Variants in PHLDB2 observed in about 807,000 individuals in gnomAD.
The protein encoded by PHLDB2 is pleckstrin homology-like domain family B member 2.
Under a neutral mutation model 123.6 loss-of-function variants are expected in PHLDB2, and 71 were observed. The observed-to-expected ratio is 0.57, with a 90% CI of 0.47 to 0.70. PHLDB2 has a LOEUF of 0.70. Ranked by LOEUF, PHLDB2 falls within the 30% of genes least tolerant of loss-of-function variation. The pLI, the probability that PHLDB2 is intolerant of heterozygous loss-of-function variation, is 0.00. For synonymous variants in PHLDB2, 547 were observed against 541.6 expected, an observed-to-expected ratio of 1.01 and a Z score of -0.14; for missense variants, 1,446 against 1,519.5, an observed-to-expected ratio of 0.95 and a Z score of 0.80.
chr3:111,901,003 T>A (rs1179604725), intron 2 of PHLDB2, among the ~76,000 whole-genome samples: 1 of 152,048 alleles, frequency 6.6e-6, no homozygotes, highest in Non-Finnish European at 1.5e-5. Context: ...ATCACAGGCG[T>A]GAGCCACTGT....
intron 1 of PHLDB2, among the ~76,000 whole-genome samples, chr3:111,766,374 C>G (rs968977789): frequency 4.0e-5 from 6 of 148,572 alleles, no homozygotes; most frequent in Non-Finnish European, 8.9e-5. Context: ...ACCCAGAAGG[C>G]AGAGGTTGCA....
chr3:111,792,454 C>T (rs917864296), intron 1 of PHLDB2, among the ~76,000 whole-genome samples: 61 of 152,186 alleles, frequency 4.0e-4, no homozygotes, highest in African/African-American at 1.4e-3. Context: ...GTCTTTAATC[C>T]CAGCACTTTG....
At chr3:111,812,039 G>A (rs536664887) in intron 1 of PHLDB2, among the ~76,000 whole-genome samples, 37 of 152,150 alleles carry the variant, frequency 2.4e-4, no homozygotes, top group Admixed American at 1.2e-3. Context: ...TATCAACCCC[G>A]TCTCTGTGAA....
rs115208331 is a variant in PHLDB2, at chr3:111,954,050, G to A, written c.2872+21G>A. 1.5e-3 allele frequency: 2,377 copies of A among 1,596,948 alleles called. 31 individuals carry two copies. The African/African-American group carries it at 0.026, about 17-fold the overall frequency. On this transcript the variant is annotated intron_variant, in intron 12 of 17. Coordinates refer to ENST00000431670, the MANE Select transcript of PHLDB2 (RefSeq NM_001134438.2). ...CAGAGGTACGTACCTTTTAAATCAA[G>A]TGTCATGGCCTTTTGTTAAGCATTA... is the stretch of plus-strand genomic sequence containing the variant.
chr3:111,862,464 T>C (rs2064880317), intron 1 of PHLDB2, among the ~76,000 whole-genome samples: 1 of 152,220 alleles, frequency 6.6e-6, no homozygotes, highest in South Asian at 2.1e-4. Flanking sequence ...AACGTATTTT[T>C]GGTTGTAGCA....
chr3:111,859,872 T>C (rs1336014899), intron 1 of PHLDB2: 4 of 985,110 alleles, frequency 4.1e-6, no homozygotes, highest in Non-Finnish European at 4.8e-6. Flanking sequence ...GGAGGAAAGA[T>C]GAGACGGTGA....
At chr3:111,760,072 G>C (rs2108008247) in intron 1 of PHLDB2, among the ~76,000 whole-genome samples, 1 of 152,324 alleles carries the variant, frequency 6.6e-6, no homozygotes, top group South Asian at 2.1e-4. Context: ...GACATTGCTA[G>C]GCAATCTTCA....
At chr3:111,953,391 T>C (rs184947583) in intron 11 of PHLDB2, among the ~76,000 whole-genome samples, 5 of 152,276 alleles carry the variant, frequency 3.3e-5, no homozygotes, top group Admixed American at 1.3e-4. Flanking sequence ...TTAATCAGAG[T>C]AACTTTGTTT....
At chr3:111,767,605 C>G (rs1276238676) in intron 1 of PHLDB2, among the ~76,000 whole-genome samples, 1 of 152,134 alleles carries the variant, frequency 6.6e-6, no homozygotes, top group Non-Finnish European at 1.5e-5. Flanking sequence ...ATCATGACTT[C>G]CACATTTAGC....
intron 1 of PHLDB2, among the ~76,000 whole-genome samples, chr3:111,748,662 C>T (rs1051440415): frequency 1.3e-5 from 2 of 152,078 alleles, no homozygotes; most frequent in Non-Finnish European, 2.9e-5. Flanking sequence ...GCTGGGATTA[C>T]AGGCACACAC....
At chr3:111,919,625 C>T (rs576263293) in intron 4 of PHLDB2, among the ~76,000 whole-genome samples, 6 of 152,318 alleles carry the variant, frequency 3.9e-5, no homozygotes, top group Middle Eastern at 3.4e-3. Flanking sequence ...AATTCACACA[C>T]GGATCAAAAA....
chr3:111,819,298 T>C (rs1363144496), intron 1 of PHLDB2, among the ~76,000 whole-genome samples: 1 of 152,216 alleles, frequency 6.6e-6, no homozygotes. Flanking sequence ...AGCACCATCC[T>C]AGTTTACAAC....
At chr3:111,905,007 T>G (rs1044107456) in intron 2 of PHLDB2, among the ~76,000 whole-genome samples, 2 of 152,198 alleles carry the variant, frequency 1.3e-5, no homozygotes, top group African/African-American at 4.8e-5. Context: ...AGAACGGCAA[T>G]GATTTTTCCT....
intron 1 of PHLDB2, among the ~76,000 whole-genome samples, chr3:111,817,998 C>T (rs1343886124): frequency 1.3e-5 from 2 of 152,076 alleles, no homozygotes; most frequent in Non-Finnish European, 2.9e-5. Context: ...TTATTTTATT[C>T]GTTTATGCTT....
chr3:111,957,781 G>A (rs1187247635), intron 12 of PHLDB2, among the ~76,000 whole-genome samples: 1 of 152,222 alleles, frequency 6.6e-6, no homozygotes, highest in Non-Finnish European at 1.5e-5. Context: ...GTTATTTCCT[G>A]TGGCTAGGTG....
chr3:111,782,161 G>T (rs534959086), intron 1 of PHLDB2, among the ~76,000 whole-genome samples: 31 of 152,176 alleles, frequency 2.0e-4, no homozygotes, highest in African/African-American at 7.2e-4. Flanking sequence ...GCATCCAAAT[G>T]ATAAAAATAA....
Position 111,823,797 on chromosome 3 carries a change from T to G in PHLDB2, c.-48-22024T>G, listed in dbSNP as rs542778707. ...CACTGAGAGCTATAAAGAAAATATGTCTTGTTTTCCCTGTGACTGGCCTGA... is the reference window on the plus strand; with the variant it reads ...CACTGAGAGCTATAAAGAAAATATGGCTTGTTTTCCCTGTGACTGGCCTGA... On this transcript the variant is annotated intron_variant, in intron 1 of 17. Transcript: ENST00000393923. 3.9e-5 allele frequency among the ~76,000 whole-genome samples: 6 copies of G among 152,214 alleles called. No individual in the cohort carries two copies. The South Asian group carries it at 1.2e-3, about 32-fold the overall frequency.
intron 1 of PHLDB2, among the ~76,000 whole-genome samples, chr3:111,866,970 TGTA>T (rs2065118657): frequency 6.6e-6 from 1 of 151,308 alleles, no homozygotes. Context: ...TGTGTGTGTG[TGTA>T]TTTTAACCTT....
At chr3:111,878,285 T>C (rs954634532) in intron 1 of PHLDB2, among the ~76,000 whole-genome samples, 1 of 152,190 alleles carries the variant, frequency 6.6e-6, no homozygotes, top group Non-Finnish European at 1.5e-5. Context: ...GTAAGTTGGA[T>C]TCCTAGGTAT....
Sources: allele counts gnomAD v4.1 joint callset (sites outside exome capture counted in the v4.1 genomes callset), GRCh38; gene constraint gnomAD v4.1.1; transcripts MANE v1.5; gene names NCBI Gene and HGNC (gene_info 2026-07-23, HGNC 2026-07-21).